ACTR3: variants seen among roughly 807,000 people sequenced by gnomAD.
ACTR3 encodes the protein actin related protein 3, also known as actin-related protein 3.
ACTR3 carries 12 observed loss-of-function variants against 56.8 expected under a neutral mutation model. The observed-to-expected ratio is 0.21, with a 90% CI of 0.14 to 0.34. ACTR3 has a LOEUF of 0.34. ACTR3 is among the 10% of genes least tolerant of loss of function. ACTR3 has a pLI of 1.00. For missense variants in ACTR3, 282 were observed against 512.5 expected, an observed-to-expected ratio of 0.55 and a Z score of 4.34; for synonymous variants, 162 against 167.4, an observed-to-expected ratio of 0.97 and a Z score of 0.25.
intron 3 of ACTR3, among the ~76,000 whole-genome samples, chr2:113,921,951 G>C (rs1438085756): frequency 6.6e-6 from 1 of 152,166 alleles, no homozygotes; most frequent in South Asian, 2.1e-4. Flanking sequence ...GGAAAAGTCT[G>C]CGAAAGAGAC....
chr2:113,927,560 G>A (rs2104605878), intron 4 of ACTR3, 105 bp downstream of exon 4: 2 of 692,594 alleles, frequency 2.9e-6, no homozygotes, highest in South Asian at 4.7e-5. Context: ...ATTGTCATAT[G>A]TCTAAATGAC....
Position 113,890,147 on chromosome 2 carries a change from C to T in ACTR3, c.-133C>T. ...TGCTTTCTTGCTACTGCTTCGGCTT[C>T]CCGGCTACCCCCCGGACGGTGAAGG... On this transcript the variant is annotated 5_prime_UTR_variant, in exon 1 of 12. Transcript: ENST00000263238. The T allele has an allele frequency of 3.3e-6, 4 of 1,215,986 alleles. No homozygotes were observed. The highest frequency in any genetic ancestry group is 4.7e-6 in the Non-Finnish European group (4 of 852,556). The allele number at this position is 1,215,986 out of a possible 1,614,324, so 75.3% of individuals were successfully genotyped here.
At chr2:113,941,375 T>C (rs1223848482) in intron 7 of ACTR3, among the ~76,000 whole-genome samples, 1 of 152,200 alleles carries the variant, frequency 6.6e-6, no homozygotes. Flanking sequence ...TTTAAAGGAA[T>C]ATCATTTCTT....
At chr2:113,951,410 T>G (rs1680118547) in intron 8 of ACTR3, 69 bp from the exon 9 acceptor site, 2 of 1,114,544 alleles carry the variant, frequency 1.8e-6, no homozygotes, top group Non-Finnish European at 2.7e-6. Flanking sequence ...GAAAACTTTG[T>G]TTAACCTTTT....
chr2:113,937,162 G>T (rs1679843483), intron 6 of ACTR3, among the ~76,000 whole-genome samples: 1 of 152,134 alleles, frequency 6.6e-6, no homozygotes, highest in African/African-American at 2.4e-5. Context: ...GGAGTGCAGT[G>T]GTGCGATCTC....
intron 8 of ACTR3, 194 bp from the exon 9 acceptor site, chr2:113,951,285 T>G (rs995923591): frequency 1.4e-4 from 68 of 476,462 alleles, no homozygotes; most frequent in Non-Finnish European, 2.2e-4. Context: ...TTCTGATAGT[T>G]ATAAAATGGT....
intron 4 of ACTR3, among the ~76,000 whole-genome samples, chr2:113,930,669 T>A (rs1236195296): frequency 6.6e-6 from 1 of 152,352 alleles, no homozygotes; most frequent in South Asian, 2.1e-4. Flanking sequence ...CTCTGAGTCC[T>A]TCCTTGCCTC....
intron 8 of ACTR3, among the ~76,000 whole-genome samples, chr2:113,948,627 A>G (rs1418961368): frequency 1.3e-5 from 2 of 152,092 alleles, no homozygotes; most frequent in Non-Finnish European, 1.5e-5. Flanking sequence ...AATTTTGTTC[A>G]TATCTGAGCC....
At chr2:113,940,170 A>C in intron 7 of ACTR3, 68 bp downstream of exon 7, 1 of 1,359,628 alleles carries the variant, frequency 7.4e-7, no homozygotes, top group Non-Finnish European at 1.0e-6. Context: ...TAACGTGAGA[A>C]ATTTTTAATA....
At chr2:113,926,188 AT>A (rs1300574567) in intron 3 of ACTR3, among the ~76,000 whole-genome samples, 2 of 152,180 alleles carry the variant, frequency 1.3e-5, no homozygotes, top group Non-Finnish European at 2.9e-5. Flanking sequence ...TATCGATGTT[AT>A]TTTATGTGAT....
At chr2:113,933,293 A>G (rs1679756570) in intron 5 of ACTR3, among the ~76,000 whole-genome samples, 1 of 152,022 alleles carries the variant, frequency 6.6e-6, no homozygotes, top group African/African-American at 2.4e-5. Flanking sequence ...GGTGAATCAC[A>G]AGGTCAGGAG....
At chr2:113,938,433 T>C (rs1679867183) in intron 6 of ACTR3, among the ~76,000 whole-genome samples, 1 of 152,224 alleles carries the variant, frequency 6.6e-6, no homozygotes, top group Non-Finnish European at 1.5e-5. Flanking sequence ...TAGGATTTTT[T>C]CCTGGGACAT....
chr2:113,917,434 C>CAAAA (rs949325271), intron 3 of ACTR3, among the ~76,000 whole-genome samples: 4 of 151,850 alleles, frequency 2.6e-5, no homozygotes, highest in African/African-American at 9.7e-5. Flanking sequence ...TACCCTTTTC[C>CAAAA]CTCCCTCTTT....
At chr2:113,927,309 A>G (rs779776923) in intron 3 of ACTR3, 36 bp from the exon 4 acceptor site, 20 of 1,354,498 alleles carry the variant, frequency 1.5e-5, no homozygotes, top group Non-Finnish European at 1.9e-5. Flanking sequence ...TTATATTAAT[A>G]AGATTTAATT....
At chr2:113,938,375 C>T (rs1243463578) in intron 6 of ACTR3, among the ~76,000 whole-genome samples, 5 of 152,134 alleles carry the variant, frequency 3.3e-5, no homozygotes, top group Admixed American at 2.0e-4. Context: ...TGATTTGGCA[C>T]TCTATACATT....
At chr2:113,941,606 A>G (rs1000900470) in intron 7 of ACTR3, among the ~76,000 whole-genome samples, 11 of 152,208 alleles carry the variant, frequency 7.2e-5, no homozygotes, top group African/African-American at 2.4e-4. Context: ...AATTACAAAT[A>G]TGATGTTATA....
intron 1 of ACTR3, among the ~76,000 whole-genome samples, chr2:113,896,544 G>A (rs192781255): frequency 2.1e-4 from 32 of 152,310 alleles, no homozygotes; most frequent in African/African-American, 7.2e-4. Context: ...ATTGGAATTT[G>A]TTGTTGAATT....
chr2:113,936,999 C>G (rs1391584100), intron 6 of ACTR3, among the ~76,000 whole-genome samples: 1 of 152,172 alleles, frequency 6.6e-6, no homozygotes, highest in East Asian at 1.9e-4. Flanking sequence ...TTTGAATACC[C>G]TATCTCCAAA....
intron 5 of ACTR3, among the ~76,000 whole-genome samples, chr2:113,932,183 C>A (rs1019368284): frequency 2.6e-4 from 40 of 152,118 alleles, no homozygotes; most frequent in Non-Finnish European, 4.4e-5. Context: ...ACTTGGATAG[C>A]AAAGAACTTT....
Sources: gnomAD v4.1 joint callset for allele counts (sites outside exome capture counted in the v4.1 genomes callset) on GRCh38, gnomAD v4.1.1 for gene constraint, MANE v1.5 for transcripts, NCBI Gene and HGNC (gene_info 2026-07-23, HGNC 2026-07-21) for gene names.